The following ZCCHC14 variants were observed in gnomAD, a reference collection of about 807,000 sequenced individuals.
ZCCHC14 encodes zinc finger CCHC domain-containing protein 14.
A neutral mutation model predicts 85.0 loss-of-function variants in ZCCHC14; 16 were observed. The ratio of observed to expected loss-of-function variants is 0.19; its 90% CI spans 0.13 to 0.29. The LOEUF (loss-of-function observed/expected upper bound fraction) is 0.29. Among genes scored for constraint, ZCCHC14 ranks in the 10% least tolerant of loss-of-function variants. The probability of loss-of-function intolerance (pLI) is 1.00; values close to 1 mark genes in which losing one functional copy is unlikely to be tolerated. For synonymous variants in ZCCHC14, 775 were observed against 630.7 expected (o/e 1.23, Z -3.43); for missense variants, 1,303 against 1,443.5 (o/e 0.90, Z 1.58).
intron 1 of ZCCHC14, chr16:87,473,552 T>C (rs1201038784): frequency 1.3e-5 from 2 of 152,238 alleles, no homozygotes; most frequent in Non-Finnish European, 2.9e-5. Context: ...AATATTGTTA[T>C]TGTGAATATT....
intron 1 of ZCCHC14, among the ~76,000 whole-genome samples, chr16:87,481,160 G>A (rs1912250761): frequency 6.6e-6 from 1 of 152,162 alleles, no homozygotes; most frequent in African/African-American, 2.4e-5. Context: ...GGCAGACCCA[G>A]GCCAGGAGAC....
intron 2 of ZCCHC14, among the ~76,000 whole-genome samples, chr16:87,436,095 T>C (rs893159824): frequency 2.0e-5 from 3 of 152,242 alleles, no homozygotes; most frequent in Non-Finnish European, 4.4e-5. Context: ...GTACCTCATG[T>C]CCCAGGACTG....
At chr16:87,411,478 G>A (rs1166574549) in intron 12 of ZCCHC14, 38 bp downstream of exon 12, 1 of 1,608,114 alleles carries the variant, frequency 6.2e-7, no homozygotes, top group Admixed American at 1.7e-5. Flanking sequence ...CACTGGTCCT[G>A]CGGGAGCCTG....
In ZCCHC14 at chr16:87,407,495, G is replaced by A. The variant is rs1001198280; in HGVS notation, c.*2785C>T. ...ACATTAGAAAATAAGGTAGAAAACT[G>A]AGTGTTTTGCTTAAAAAATAAAAAA... On this transcript the variant is annotated 3_prime_UTR_variant, in exon 13 of 13. Coordinates refer to ENST00000671377, the MANE Select transcript of ZCCHC14 (RefSeq NM_015144.3). The A allele has an allele frequency of 6.6e-6, 1 of 152,180 alleles. No individual in the cohort carries two copies. The highest frequency in any genetic ancestry group is 1.5e-5 in the Non-Finnish European group (1 of 68,038). 9.4% of individuals were successfully genotyped at this position (152,180 alleles called of 1,614,324 possible). A position where few individuals can be genotyped will look rare whatever the true frequency, so the allele number is the denominator to read the frequency against.
chr16:87,417,824 C>A, intron 7 of ZCCHC14, 82 bp from the exon 8 acceptor site: 1 of 1,439,810 alleles, frequency 6.9e-7, no homozygotes. Flanking sequence ...ACTTCCAGGC[C>A]TTTCTGTGCC....
At chr16:87,490,404 T>A (rs576692704) in intron 1 of ZCCHC14, among the ~76,000 whole-genome samples, 1 of 152,334 alleles carries the variant, frequency 6.6e-6, no homozygotes, top group South Asian at 2.1e-4. Context: ...CAAAAAATAA[T>A]CAGTTTGTAA....
At chr16:87,453,150 G>C (rs1032378243) in intron 2 of ZCCHC14, among the ~76,000 whole-genome samples, 4 of 152,206 alleles carry the variant, frequency 2.6e-5, no homozygotes, top group Non-Finnish European at 5.9e-5. Context: ...GAAGGAAGGG[G>C]GTGCTCCTGG....
chr16:87,429,145 C>G (rs1023614133), intron 3 of ZCCHC14, among the ~76,000 whole-genome samples: 1 of 152,190 alleles, frequency 6.6e-6, no homozygotes, highest in Non-Finnish European at 1.5e-5. Context: ...ATTTCACATT[C>G]CCACCATCAG....
rs1908939094 is a variant in ZCCHC14, at chr16:87,418,886, G to C, written c.1061C>G (p.Ser354Cys). 2 of 1,613,000 alleles carry C rather than the reference G, an allele frequency of 1.2e-6. No homozygotes were observed. Among genetic ancestry groups the C allele is most frequent in the Non-Finnish European group, 1.7e-6 (2 of 1,179,288 alleles). The change falls in exon 7 of 13, where the codon TCC (serine) becomes TGC (cysteine). Residue 354 changes from serine to cysteine, a missense_variant. Ser to Cys is a moderately radical substitution (Grantham distance 112). Around this residue, in one of 7 missense-constraint regions of ZCCHC14, gnomAD observed 389 missense variants for 397.8 expected, o/e 0.98. Transcript: ENST00000671377. ...QLQSPSPGNP[S>C]LSKVGTVMGV... is the part of the protein sequence containing the mutation. ...CATCACGGTACCTACTTTAGAAAGG[G>C]AGGGATTGCCAGGACCTATAAATTT...
In ZCCHC14 at chr16:87,492,131, G is replaced by A. The variant is rs1451315841; in HGVS notation, c.108C>T (p.Cys36=). 7.5e-7 allele frequency: 1 copy of A among 1,340,488 alleles called. No individual in the cohort carries two copies. 83.0% of individuals were successfully genotyped at this position (1,340,488 alleles called of 1,614,324 possible). ...CGAGGAAGCGAAGCTCGAGCGGGATGCACAGGTCCAGCAGGCCGCACAGGA... is the reference window on the plus strand; with the variant it reads ...CGAGGAAGCGAAGCTCGAGCGGGATACACAGGTCCAGCAGGCCGCACAGGA... ...VEFLCGLLDL[C]IPLELRFLGS... The change falls in exon 1 of 13, where the codon TGC becomes TGT. Residue 36 remains cysteine (C), a synonymous_variant. Coordinates refer to ENST00000671377, the MANE Select transcript of ZCCHC14 (RefSeq NM_015144.3). This position sits in a 1 kb window ranked among gnomAD's most constrained non-coding sequence, Gnocchi z 6.7.
At chr16:87,445,349 G>C (rs775872468) in intron 2 of ZCCHC14, among the ~76,000 whole-genome samples, 2 of 152,210 alleles carry the variant, frequency 1.3e-5, no homozygotes, top group African/African-American at 2.4e-5. Context: ...ACAGGCGTGA[G>C]CCACTGCACC....
chr16:87,441,815 A>G (rs1195213213), intron 2 of ZCCHC14, among the ~76,000 whole-genome samples: 1 of 152,212 alleles, frequency 6.6e-6, no homozygotes, highest in Admixed American at 6.5e-5. Flanking sequence ...TGAACTAAAG[A>G]TGATCTATGA....
chr16:87,414,499 C>T lies in ZCCHC14; in HGVS notation c.1518G>A (p.Pro506=), dbSNP rs879317754. The stretch of plus-strand genomic sequence containing the variant: ...GAGCCACACCACTGCTGGTGACCAG[C>T]GGCGGGGCCGAGGGGTTCAGGCACC... ...ERRCLNPSAP[P]LVTSSGVARV... The change falls in exon 10 of 13, where the codon CCG becomes CCA. Residue 506 remains proline (P), a synonymous_variant. Transcript: ENST00000671377. 23 of 1,612,958 alleles carry T rather than the reference C, an allele frequency of 1.4e-5. No individual in the cohort carries two copies. Among genetic ancestry groups the T allele is most frequent in the Non-Finnish European group, 1.9e-5 (23 of 1,179,652 alleles).
In ZCCHC14 at chr16:87,440,179, T is replaced by C. The variant is rs1234838250; in HGVS notation, c.695-6978A>G. On this transcript the variant is annotated intron_variant, in intron 2 of 12. Transcript: ENST00000671377. Reference sequence around the variant, plus strand: ...TTTTATGTTTACAATTTTTTTTTTTTTTAAGATAAGAGTTTTGCTCTGTCG... The same window carrying C: ...TTTTATGTTTACAATTTTTTTTTTTCTTAAGATAAGAGTTTTGCTCTGTCG... Among the ~76,000 whole-genome samples, 4 of 152,174 alleles carry C rather than the reference T, an allele frequency of 2.6e-5. No individual in the cohort carries two copies. In the East Asian group the frequency reaches 7.7e-4, roughly 29 times the overall value.
At chr16:87,475,222 G>A (rs529597409) in intron 1 of ZCCHC14, among the ~76,000 whole-genome samples, 11 of 152,238 alleles carry the variant, frequency 7.2e-5, no homozygotes, top group South Asian at 2.1e-4. Context: ...CAAGCCAAAC[G>A]GGTCTCAAGA....
chr16:87,436,724 A>G (rs1909941792), intron 2 of ZCCHC14, among the ~76,000 whole-genome samples: 1 of 151,736 alleles, frequency 6.6e-6, no homozygotes, highest in East Asian at 1.9e-4. Context: ...CCAGAACTTA[A>G]AAGAAAAAAA....
At chr16:87,438,775 G>A (rs1300075513) in intron 2 of ZCCHC14, among the ~76,000 whole-genome samples, 4 of 152,076 alleles carry the variant, frequency 2.6e-5, no homozygotes, top group Non-Finnish European at 4.4e-5. Flanking sequence ...CAGGAGGCCC[G>A]GGCCCACCGT....
intron 1 of ZCCHC14, among the ~76,000 whole-genome samples, chr16:87,477,807 T>C (rs1456454080): frequency 2.0e-5 from 3 of 150,424 alleles, no homozygotes; most frequent in African/African-American, 7.4e-5. Flanking sequence ...CGCACACACC[T>C]GGGGAACACT....
At chr16:87,487,434 C>G (rs1269361169) in intron 1 of ZCCHC14, among the ~76,000 whole-genome samples, 1 of 152,246 alleles carries the variant, frequency 6.6e-6, no homozygotes, top group Admixed American at 6.5e-5. Context: ...CCTGCTCCCC[C>G]ATACCTGTCG....
Sources: gnomAD v4.1 joint callset for allele counts (sites outside exome capture counted in the v4.1 genomes callset) on GRCh38, gnomAD v4.1.1 for gene constraint, gnomAD v4.1.1 regional missense constraint, Gnocchi (gnomAD v3.1) non-coding constraint, MANE v1.5 for transcripts, NCBI Gene and HGNC (gene_info 2026-07-23, HGNC 2026-07-21) for gene names.